Variants in ELF2 observed in about 807,000 individuals in gnomAD.
ELF2 encodes E74 like ETS transcription factor 2, also known as ETS-related transcription factor Elf-2.
In ELF2, 11 loss-of-function variants were observed where a neutral mutation model predicts 54.8. That is an observed-to-expected ratio of 0.20 (90% confidence interval 0.13 to 0.33). The LOEUF (loss-of-function observed/expected upper bound fraction) is 0.33. ELF2 is among the 10% of genes least tolerant of loss of function. ELF2 has a pLI of 1.00. For synonymous variants in ELF2, 203 were observed against 245.1 expected (o/e 0.83, Z 1.61); for missense variants, 513 against 703.0 (o/e 0.73, Z 3.06).
chr4:139,085,360 A>C (rs1731865201), intron 4 of ELF2, among the ~76,000 whole-genome samples: 1 of 152,248 alleles, frequency 6.6e-6, no homozygotes, highest in Admixed American at 6.5e-5. Flanking sequence ...CTACAGAGTA[A>C]GTGCTCAATA....
chr4:139,135,878 A>G (rs1390115889), intron 3 of ELF2, among the ~76,000 whole-genome samples: 1 of 152,222 alleles, frequency 6.6e-6, no homozygotes, highest in Non-Finnish European at 1.5e-5. Flanking sequence ...TTCCACGATA[A>G]TAAGTTCTCC....
At chr4:139,097,363 G>A (rs558408678) in intron 4 of ELF2, among the ~76,000 whole-genome samples, 267 of 152,100 alleles carry the variant, frequency 1.8e-3, no homozygotes, top group Middle Eastern at 3.4e-3. Flanking sequence ...GGCCAGACGC[G>A]GTGGCACTTT....
intron 4 of ELF2, among the ~76,000 whole-genome samples, chr4:139,090,129 A>G (rs1392276288): frequency 6.6e-6 from 1 of 152,162 alleles, no homozygotes; most frequent in Non-Finnish European, 1.5e-5. Flanking sequence ...GGGTCCAGCC[A>G]TCTTGCCCAA....
chr4:139,079,932 T>C (rs978412967), intron 4 of ELF2, among the ~76,000 whole-genome samples: 3 of 152,102 alleles, frequency 2.0e-5, no homozygotes, highest in African/African-American at 7.2e-5. Flanking sequence ...GTAAAAAAAA[T>C]AAAAATTATG....
At chr4:139,069,183 A>C (rs1387361985) in intron 6 of ELF2, among the ~76,000 whole-genome samples, 2 of 152,126 alleles carry the variant, frequency 1.3e-5, no homozygotes, top group Non-Finnish European at 2.9e-5. Context: ...TTTAGGATCA[A>C]ATATATTATT....
At chr4:139,085,320 C>A (rs1731859509) in intron 4 of ELF2, among the ~76,000 whole-genome samples, 2 of 152,148 alleles carry the variant, frequency 1.3e-5, no homozygotes, top group Admixed American at 1.3e-4. Context: ...GTTGTCTGCA[C>A]ACAAAACTTA....
intron 7 of ELF2, among the ~76,000 whole-genome samples, chr4:139,065,065 G>C (rs1728491814): frequency 6.6e-6 from 1 of 151,908 alleles, no homozygotes; most frequent in Admixed American, 6.6e-5. Context: ...TAGTAAATGT[G>C]AGCAAAGATT....
Position 139,171,440 on chromosome 4 carries a change from T to G in ELF2, c.-252+5527A>C, listed in dbSNP as rs537709969. On this transcript the variant is annotated intron_variant, in intron 1 of 9. Transcript: ENST00000686138. ...CTTGTGGGAATTATTAATATCCTAC[T>G]GCTCAAGGTCATCGCCAAGGTCTGC... 5.3e-5 allele frequency among the ~76,000 whole-genome samples: 8 copies of G among 152,110 alleles called. No homozygotes were observed. The East Asian group carries it at 1.4e-3, about 26-fold the overall frequency.
At chr4:139,082,502 T>G (rs776232661) in intron 4 of ELF2, among the ~76,000 whole-genome samples, 1 of 152,228 alleles carries the variant, frequency 6.6e-6, no homozygotes, top group Non-Finnish European at 1.5e-5. Context: ...AAACACATAT[T>G]TTTACATTTT....
At chr4:139,145,626 A>T (rs1739154200) in intron 1 of ELF2, among the ~76,000 whole-genome samples, 2 of 152,238 alleles carry the variant, frequency 1.3e-5, no homozygotes. Context: ...ATGAACATAG[A>T]TGTAAAAATC....
intron 7 of ELF2, among the ~76,000 whole-genome samples, chr4:139,065,094 T>C (rs1055092358): frequency 1.3e-5 from 2 of 152,192 alleles, no homozygotes; most frequent in Admixed American, 6.5e-5. Flanking sequence ...GAAGAAATGT[T>C]TGTATAACAT....
intron 9 of ELF2, 83 bp from the exon 10 acceptor site, chr4:139,059,690 T>A: frequency 6.7e-7 from 1 of 1,495,782 alleles, no homozygotes; most frequent in Non-Finnish European, 8.9e-7. Flanking sequence ...TTAATACAAA[T>A]CCAAAATGTG....
At chr4:139,125,352 C>A (rs923359697) in intron 3 of ELF2, 23 bp from the exon 4 acceptor site, 12 of 1,601,084 alleles carry the variant, frequency 7.5e-6, no homozygotes, top group Admixed American at 1.8e-5. Context: ...ATTTAAAGAA[C>A]AATCAACCTT....
chr4:139,109,624 C>T (rs1434540337), intron 4 of ELF2, among the ~76,000 whole-genome samples: 1 of 152,156 alleles, frequency 6.6e-6, no homozygotes, highest in African/African-American at 2.4e-5. Flanking sequence ...CCAGCATTTT[C>T]TAAACTTATT....
intron 6 of ELF2, among the ~76,000 whole-genome samples, chr4:139,069,691 A>C (rs759360730): frequency 5.9e-5 from 9 of 152,170 alleles, no homozygotes; most frequent in Non-Finnish European, 1.3e-4. Flanking sequence ...TTAGTATATT[A>C]AAGGCTCTCA....
intron 4 of ELF2, among the ~76,000 whole-genome samples, chr4:139,086,824 TTATTTA>T (rs1258266220): frequency 6.6e-6 from 1 of 152,206 alleles, no homozygotes; most frequent in Non-Finnish European, 1.5e-5. Flanking sequence ...GGATGTTAAA[TTATTTA>T]TAATTATAAA....
chr4:139,111,356 CT>C (rs200691360), intron 4 of ELF2, among the ~76,000 whole-genome samples: 54 of 147,922 alleles, frequency 3.7e-4, no homozygotes, highest in African/African-American at 3.7e-4. Context: ...AAATGATATA[CT>C]TTTTTTTTTT....
chr4:139,095,312 G>T (rs183553044), intron 4 of ELF2, among the ~76,000 whole-genome samples: 31 of 151,628 alleles, frequency 2.0e-4, no homozygotes, highest in Non-Finnish European at 3.8e-4. Flanking sequence ...AGCCTCCCAA[G>T]TAGCTGGGAT....
intron 4 of ELF2, among the ~76,000 whole-genome samples, chr4:139,097,649 A>G (rs1733424752): frequency 6.6e-6 from 1 of 151,680 alleles, no homozygotes; most frequent in Non-Finnish European, 1.5e-5. Flanking sequence ...AAAAAAAAAT[A>G]TGCAATGCTT....
Sources: gnomAD v4.1 joint callset for allele counts (sites outside exome capture counted in the v4.1 genomes callset) on GRCh38, gnomAD v4.1.1 for gene constraint, MANE v1.5 for transcripts, NCBI Gene and HGNC (gene_info 2026-07-23, HGNC 2026-07-21) for gene names.